Variants in RILPL1 observed in about 807,000 individuals in gnomAD.
RILPL1 encodes RILP-like protein 1.
In RILPL1, 33 loss-of-function variants were observed where a neutral mutation model predicts 50.3. That is an observed-to-expected ratio of 0.66 (90% confidence interval 0.50 to 0.88). The LOEUF is 0.88. Among genes scored for constraint, RILPL1 ranks in the 40% least tolerant of loss-of-function variants. The pLI is 0.00. For missense variants in RILPL1, 418 were observed against 542.5 expected (o/e 0.77, Z 2.28); for synonymous variants, 205 against 228.6 (o/e 0.90, Z 0.93).
At position 123,499,465 on chromosome 12, in the gene RILPL1, G is replaced by A. The variant is rs200190411; in HGVS notation, c.532C>T (p.Arg178Cys). Residue 178 changes from arginine (R) to cysteine (C), a missense_variant, in exon 3 of 7, where the codon CGC (arginine) becomes TGC (cysteine). By Grantham distance (180) the Arg-to-Cys change is radical. Transcript: ENST00000376874. ...EVVDKQRDEIRAKDRELGLKN... is the reference protein window; with the variant it reads ...EVVDKQRDEICAKDRELGLKN... Reference sequence around the variant, plus strand: ...AGGCCCAGCTCCCTGTCCTTGGCGCGGATCTCGTCGCGTTGTTTGTCCACC... The same window carrying A: ...AGGCCCAGCTCCCTGTCCTTGGCGCAGATCTCGTCGCGTTGTTTGTCCACC... The A allele has an allele frequency of 3.1e-6, 5 of 1,613,898 alleles. No homozygotes were observed. Among genetic ancestry groups the A allele is most frequent in the African/African-American group, 2.7e-5 (2 of 75,020 alleles).
At position 123,485,448 on chromosome 12, in the gene RILPL1, C is replaced by T. The variant is rs1474318124; in HGVS notation, c.974+185G>A. 6.6e-6 allele frequency among the ~76,000 whole-genome samples: 1 copy of T among 152,172 alleles called. No individual in the cohort carries two copies. The highest frequency in any genetic ancestry group is 1.5e-5 in the Non-Finnish European group (1 of 68,040). On this transcript the variant is annotated intron_variant, in intron 5 of 6. Coordinates refer to ENST00000376874, the MANE Select transcript of RILPL1 (RefSeq NM_178314.5). This position sits in a 1 kb window ranked among gnomAD's most constrained non-coding sequence, Gnocchi z 4.0. ...AAAGGTGTGAGCTCTGGTGCCCGGC[C>T]TGGGCCCAAGAGTTTCAGAAAGGGG...
At chr12:123,530,787 G>A (rs1391975747) in intron 1 of RILPL1, among the ~76,000 whole-genome samples, 1 of 152,186 alleles carries the variant, frequency 6.6e-6, no homozygotes, top group East Asian at 1.9e-4. Flanking sequence ...TCTCTGCAGA[G>A]CCATGGTACC....
At chr12:123,511,290 ATGTC>A (rs1423255987) in intron 2 of RILPL1, among the ~76,000 whole-genome samples, 21 of 59,032 alleles carry the variant, frequency 3.6e-4, no homozygotes, top group Admixed American at 6.3e-4. Context: ...GTGTGAGTGT[ATGTC>A]TGTGCGGTGG....
Position 123,533,305 on chromosome 12 carries a change from C to T in RILPL1, c.178G>A (p.Val60Ile). Residue 60 changes from valine to isoleucine, a missense_variant, in exon 1 of 7, where the codon GTC becomes ATC. Transcript: ENST00000376874. The surrounding 1 kb of genome is among the most constrained non-coding windows in gnomAD (Gnocchi z 6.2). Reference protein sequence around the residue: ...IARLMPKVVRVLEILEVLVSR... With the variant: ...IARLMPKVVRILEILEVLVSR... ...ACCAGCACCTCCAGGATCTCCAGGA[C>T]GCGCACGACCTTGGGCATGAGGCGC... The T allele has an allele frequency of 6.3e-7, 1 of 1,583,494 alleles. No homozygotes were observed.
chr12:123,521,641 G>C (rs1287940574), intron 2 of RILPL1, among the ~76,000 whole-genome samples: 3 of 13,772 alleles, frequency 2.2e-4, no homozygotes, highest in African/African-American at 5.7e-4. Context: ...ACACATATGT[G>C]TATATATATA....
chr12:123,484,503 A>G (rs1288612702), intron 5 of RILPL1, among the ~76,000 whole-genome samples: 1 of 152,090 alleles, frequency 6.6e-6, no homozygotes, highest in Non-Finnish European at 1.5e-5. Context: ...TACCCAGAAT[A>G]TACCTGTCAC....
chr12:123,526,804 G>T (rs1437116457), intron 1 of RILPL1, among the ~76,000 whole-genome samples: 1 of 152,188 alleles, frequency 6.6e-6, no homozygotes, highest in Admixed American at 6.5e-5. Context: ...GATGGAGAGG[G>T]AATGTTGACC....
chr12:123,523,693 C>G (rs1885151995), intron 1 of RILPL1, 48 bp from the exon 2 acceptor site: 1 of 1,581,580 alleles, frequency 6.3e-7, no homozygotes, highest in African/African-American at 1.4e-5. Flanking sequence ...CCCAGAGCAG[C>G]CGCCCCACCC....
chr12:123,512,088 G>C (rs1884330270), intron 2 of RILPL1, among the ~76,000 whole-genome samples: 1 of 137,846 alleles, frequency 7.3e-6, no homozygotes, highest in Non-Finnish European at 1.6e-5. Context: ...TGTGTGTGGT[G>C]TGTGTGAGGT....
intron 1 of RILPL1, among the ~76,000 whole-genome samples, chr12:123,524,481 CA>C (rs2139387272): frequency 6.6e-6 from 1 of 152,254 alleles, no homozygotes; most frequent in Admixed American, 6.5e-5. Flanking sequence ...AAAACGCGTG[CA>C]GGTGAATGTT....
intron 2 of RILPL1, among the ~76,000 whole-genome samples, chr12:123,509,065 AG>A (rs1883930892): frequency 6.6e-6 from 1 of 152,136 alleles, no homozygotes; most frequent in South Asian, 2.1e-4. Context: ...TCAACTCAGG[AG>A]GCAGAGGTTG....
rs909483487 is a variant in RILPL1 at position 123,471,520 on chromosome 12, G to A, written c.*1018C>T. 1 of 152,236 alleles carries A rather than the reference G, an allele frequency of 6.6e-6. No homozygotes were observed. The highest frequency in any genetic ancestry group is 2.4e-5 in the African/African-American group (1 of 41,428). The allele number at this position is 152,236 out of a possible 1,614,324, so 9.4% of individuals were successfully genotyped here. A position where few individuals can be genotyped will look rare whatever the true frequency, so the allele number is the denominator to read the frequency against. ...CTTGGCGGGTGGAGAGAAAGACAGT[G>A]TTATGTGGGCAAGCCTCCAACTCAC... is the stretch of plus-strand genomic sequence containing the variant. On this transcript the variant is annotated 3_prime_UTR_variant, in exon 7 of 7. Coordinates refer to ENST00000376874, the MANE Select transcript of RILPL1 (RefSeq NM_178314.5).
At position 123,472,107 on chromosome 12, in the gene RILPL1, A is replaced by C. The variant is rs1881227859; in HGVS notation, c.*431T>G. ...AATTTCATGAATGTAACTAATGAAGATCTAGCCCTTCCATGCCTCCTGCTG... is the reference window on the plus strand; with the variant it reads ...AATTTCATGAATGTAACTAATGAAGCTCTAGCCCTTCCATGCCTCCTGCTG... On this transcript the variant is annotated 3_prime_UTR_variant, in exon 7 of 7. Transcript: ENST00000376874. 1 of 176,174 alleles carries C rather than the reference A, an allele frequency of 5.7e-6. No individual in the cohort carries two copies. Among genetic ancestry groups the C allele is most frequent in the East Asian group, 1.4e-4 (1 of 7,118 alleles). The allele number at this position is 176,174 out of a possible 1,614,324, so 10.9% of individuals were successfully genotyped here.
intron 4 of RILPL1, among the ~76,000 whole-genome samples, chr12:123,496,841 C>T (rs9697391): frequency 0.029 from 4,348 of 152,256 alleles, 197 homozygotes; most frequent in African/African-American, 0.098. Context: ...GCTCTGGCCA[C>T]GCGGACAGTA....
chr12:123,475,621 G>T, intron 6 of RILPL1: 1 of 1,317,934 alleles, frequency 7.6e-7, no homozygotes. Flanking sequence ...GACATTCCAA[G>T]GGGGCAGCTC....
At chr12:123,510,515 CTGTG>C (rs1335052918) in intron 2 of RILPL1, among the ~76,000 whole-genome samples, 1 of 99,630 alleles carries the variant, frequency 1.0e-5, no homozygotes, top group Non-Finnish European at 1.9e-5. Flanking sequence ...TGTGTGAGGT[CTGTG>C]TATGGTGTGT....
intron 5 of RILPL1, 121 bp from the exon 6 acceptor site, chr12:123,484,393 G>C (rs571363261): frequency 1.4e-6 from 1 of 727,204 alleles, no homozygotes; most frequent in East Asian, 2.7e-5. Context: ...ACCCGCATCT[G>C]TATTTCCAGT....
Position 123,485,233 on chromosome 12 carries a change from A to G in RILPL1, c.974+400T>C, listed in dbSNP as rs1882248979. On this transcript the variant is annotated intron_variant, in intron 5 of 6. Coordinates refer to ENST00000376874, the MANE Select transcript of RILPL1 (RefSeq NM_178314.5). This position sits in a 1 kb window ranked among gnomAD's most constrained non-coding sequence, Gnocchi z 4.0. ...GGTCTCATGTGGAAACCTACAATAAAGCAAGCATGAGAGTGAACAGGATAA... is the reference window on the plus strand; with the variant it reads ...GGTCTCATGTGGAAACCTACAATAAGGCAAGCATGAGAGTGAACAGGATAA... The G allele has an allele frequency of 2.2e-6, 1 of 459,538 alleles. No homozygotes were observed. Among genetic ancestry groups the G allele is most frequent in the African/African-American group, 2.0e-5 (1 of 50,204 alleles). 28.5% of individuals were successfully genotyped at this position (459,538 alleles called of 1,614,324 possible).
intron 1 of RILPL1, among the ~76,000 whole-genome samples, chr12:123,526,192 G>A (rs1593608758): frequency 6.6e-6 from 1 of 152,128 alleles, no homozygotes; most frequent in Non-Finnish European, 1.5e-5. Context: ...TGTAATCCCC[G>A]CTACTTGGGA....
Sources: gnomAD v4.1 joint callset for allele counts (sites outside exome capture counted in the v4.1 genomes callset) on GRCh38, gnomAD v4.1.1 for gene constraint, Gnocchi (gnomAD v3.1) non-coding constraint, MANE v1.5 for transcripts, NCBI Gene and HGNC (gene_info 2026-07-23, HGNC 2026-07-21) for gene names.